SENP3: variants seen among roughly 807,000 people sequenced by gnomAD.
SENP3 encodes the protein sentrin-specific protease 3.
A neutral mutation model predicts 66.2 loss-of-function variants in SENP3; 11 were observed. That is an observed-to-expected ratio of 0.17 (90% confidence interval 0.10 to 0.28). The LOEUF (loss-of-function observed/expected upper bound fraction) is 0.28. Ranked by LOEUF, SENP3 falls within the 10% of genes least tolerant of loss-of-function variation. The pLI, the probability that SENP3 is intolerant of heterozygous loss-of-function variation, is 1.00. For synonymous variants in SENP3, 292 were observed against 277.6 expected (o/e 1.05, Z -0.52); for missense variants, 548 against 743.7 (o/e 0.74, Z 3.06).
intron 7 of SENP3, among the ~76,000 whole-genome samples, chr17:7,567,221 C>CA (rs1366348113): frequency 6.6e-6 from 1 of 152,174 alleles, no homozygotes; most frequent in Non-Finnish European, 1.5e-5. Flanking sequence ...CAGATCAACA[C>CA]AGAGTAACGT....
At chr17:7,567,051 G>A in intron 7 of SENP3, 47 bp downstream of exon 7, 1 of 1,212,324 alleles carries the variant, frequency 8.2e-7, no homozygotes, top group African/African-American at 1.5e-5. Flanking sequence ...TGCCTCTAAA[G>A]AATGAGAGTC....
chr17:7,564,152 C>G (rs2071248410), intron 2 of SENP3, among the ~76,000 whole-genome samples: 1 of 152,144 alleles, frequency 6.6e-6, no homozygotes, highest in African/African-American at 2.4e-5. Flanking sequence ...CCAGAGGGTA[C>G]CATTCCCAAA....
Position 7,561,972 on chromosome 17 carries a change from G to A in SENP3, c.-303G>A, listed in dbSNP as rs1334290528. 3 of 396,010 alleles carry A rather than the reference G, an allele frequency of 7.6e-6. No individual in the cohort carries two copies. Among genetic ancestry groups the A allele is most frequent in the East Asian group, 7.2e-5 (2 of 27,890 alleles). The allele number at this position is 396,010 out of a possible 1,614,324, so 24.5% of individuals were successfully genotyped here. On this transcript the variant is annotated 5_prime_UTR_variant, in exon 1 of 11. Transcript: ENST00000321337. The surrounding 1 kb of genome is among the most constrained non-coding windows in gnomAD (Gnocchi z 4.4). The stretch of plus-strand genomic sequence containing the variant: ...CCGGTGGGCCCGGGGCTCGCGGGAG[G>A]GGAAGGAGGAGGGGGGGAGGAGTGG...
intron 4 of SENP3, 81 bp downstream of exon 4, chr17:7,565,151 G>T: frequency 2.7e-6 from 3 of 1,109,490 alleles, no homozygotes; most frequent in Non-Finnish European, 2.7e-6. Flanking sequence ...TTCTTCCATA[G>T]GGCTGTAGTT....
At chr17:7,566,342 CAAA>C (rs753219905) in intron 6 of SENP3, among the ~76,000 whole-genome samples, 6 of 101,906 alleles carry the variant, frequency 5.9e-5, no homozygotes, top group Admixed American at 2.2e-4. Flanking sequence ...AATTCTGTCT[CAAA>C]AAAAAAAAAA....
intron 7 of SENP3, among the ~76,000 whole-genome samples, chr17:7,569,287 A>T (rs1367343550): frequency 6.6e-6 from 1 of 150,844 alleles, no homozygotes; most frequent in Non-Finnish European, 1.5e-5. Flanking sequence ...TGGGAGGCTG[A>T]GGCAGGAGAA....
In SENP3 at chr17:7,565,073, G is replaced by A. The variant is rs1361912508; in HGVS notation, c.1067+3G>A. 6.2e-7 allele frequency: 1 copy of A among 1,604,468 alleles called. No homozygotes were observed. The highest frequency in any genetic ancestry group is 1.3e-5 in the African/African-American group (1 of 74,860). ...CAGGAGTTTTCCACCCCTTCCAGGT[G>A]AGGCTTGAAAGCCCTCCTTGAAAGA... is the stretch of plus-strand genomic sequence containing the variant. On this transcript the variant is annotated splice_donor_region_variant and intron_variant, in intron 4 of 10. Transcript: ENST00000321337.
intron 4 of SENP3, 95 bp from the exon 5 acceptor site, chr17:7,565,345 G>A (rs1202004189): frequency 2.5e-5 from 36 of 1,454,082 alleles, no homozygotes; most frequent in Non-Finnish European, 9.4e-7. Flanking sequence ...AGAAAAAAGG[G>A]AGTCAGTTAG....
At chr17:7,564,536 T>C (rs1292632136) in intron 2 of SENP3, 89 bp from the exon 3 acceptor site, 2 of 1,548,062 alleles carry the variant, frequency 1.3e-6, no homozygotes, top group South Asian at 1.2e-5. Flanking sequence ...CTTGCGGTCT[T>C]ATTTGCATGC....
chr17:7,566,473 TG>T lies in SENP3; in HGVS notation c.1264-452del, dbSNP rs1451587103. On this transcript the variant is annotated intron_variant, in intron 6 of 10. Coordinates refer to ENST00000321337, the MANE Select transcript of SENP3 (RefSeq NM_015670.6). ...GAGTTCCAGACCAGCCTGGCCAACATGGTGAAACCCTGGCTCAACTAAAAAT... is the reference window on the plus strand; with the variant it reads ...GAGTTCCAGACCAGCCTGGCCAACATGTGAAACCCTGGCTCAACTAAAAAT... Among the ~76,000 whole-genome samples the T allele has an allele frequency of 4.6e-5, 7 of 151,702 alleles. No individual in the cohort carries two copies. In the East Asian group the frequency reaches 7.7e-4, roughly 17 times the overall value.
chr17:7,565,676 C>T, intron 5 of SENP3, 41 bp from the exon 6 acceptor site: 1 of 1,613,242 alleles, frequency 6.2e-7, no homozygotes, highest in Non-Finnish European at 8.5e-7. Context: ...TGTACCCATG[C>T]CGCACCCTCC....
At position 7,562,971 on chromosome 17, in the gene SENP3, G is replaced by T. The variant is rs759922903; in HGVS notation, c.-11-95G>T. ...GCGTTTTTTCCTCTTTTCTTTATTT[G>T]CATCTGAATCCAGAGGAGGCATGGC... On this transcript the variant is annotated intron_variant, in intron 1 of 10. Transcript: ENST00000321337. This position sits in a 1 kb window ranked among gnomAD's most constrained non-coding sequence, Gnocchi z 5.0. 1.5e-6 allele frequency: 2 copies of T among 1,322,248 alleles called. No homozygotes were observed. The highest frequency in any genetic ancestry group is 1.9e-6 in the Non-Finnish European group (2 of 1,036,824). The allele number at this position is 1,322,248 out of a possible 1,614,324, so 81.9% of individuals were successfully genotyped here.
chr17:7,564,437 A>C (rs1222036843), intron 2 of SENP3, 188 bp from the exon 3 acceptor site: 1 of 787,304 alleles, frequency 1.3e-6, no homozygotes, highest in Admixed American at 2.0e-5. Flanking sequence ...TCCCTGTAGA[A>C]TCTCTTGGAC....
Position 7,569,391 on chromosome 17 carries a change from A to T in SENP3, c.1342-965A>T, listed in dbSNP as rs921294271. 7.2e-5 allele frequency among the ~76,000 whole-genome samples: 11 copies of T among 151,992 alleles called. 1 individual carries two copies. The highest frequency in any genetic ancestry group is 7.2e-4 in the Admixed American group (11 of 15,254). ...CAGAGCAAGACTCCGTCTCAAAAAA[A>T]AAAAAAAGATTTGTTTTTTCCTCCG... On this transcript the variant is annotated intron_variant, in intron 7 of 10. Coordinates refer to ENST00000321337, the MANE Select transcript of SENP3 (RefSeq NM_015670.6).
Position 7,570,824 on chromosome 17 carries a change from T to G in SENP3, c.1564-59T>G, listed in dbSNP as rs139689726. 414 of 1,603,512 alleles carry G rather than the reference T, an allele frequency of 2.6e-4. No homozygotes were observed. The highest frequency in any genetic ancestry group is 2.5e-3 in the African/African-American group (190 of 74,860). On this transcript the variant is annotated intron_variant, in intron 9 of 10. Transcript: ENST00000321337. The surrounding 1 kb of genome is among the most constrained non-coding windows in gnomAD (Gnocchi z 5.4). ...TGGGGACAGTGGTAGAAGGCAGAAA[T>G]TGAAGTCCTACCCCTGGGAGTCTCC...
chr17:7,565,550 T>TG lies in SENP3; in HGVS notation c.1182dup (p.Thr395AspfsTer10). The TG allele has an allele frequency of 6.2e-7, 1 of 1,613,864 alleles. No individual in the cohort carries two copies. The highest frequency in any genetic ancestry group is 8.5e-7 in the Non-Finnish European group (1 of 1,179,864). On this transcript the variant is annotated frameshift_variant, in exon 5 of 11. Transcript: ENST00000321337. LOFTEE classifies it high-confidence loss of function. ...CGGCACGTGCTGACCATGGATGACT[T>TG]GGGGACCTTGTATGGACAGAACTGG... is the stretch of plus-strand genomic sequence containing the variant.
intron 7 of SENP3, 53 bp downstream of exon 7, chr17:7,567,057 G>A: frequency 8.4e-7 from 1 of 1,185,742 alleles, no homozygotes; most frequent in Non-Finnish European, 1.2e-6. Flanking sequence ...TAAAGAATGA[G>A]AGTCTTGTTT....
chr17:7,564,385 C>T (rs1394607903), intron 2 of SENP3: 1 of 683,108 alleles, frequency 1.5e-6, no homozygotes, highest in East Asian at 2.8e-5. Context: ...AATGCTAATC[C>T]TTTTTCTTTC....
In SENP3 at chr17:7,565,430, G is replaced by T; in HGVS notation, c.1068-10G>T. ...CATCTTTTGTGTGACTCCACCCTTG[G>T]CCTACTCAGGAAGGGCCTGGTGTTG... On this transcript the variant is annotated splice_polypyrimidine_tract_variant and intron_variant, in intron 4 of 10. Transcript: ENST00000321337. 4 of 1,613,296 alleles carry T rather than the reference G, an allele frequency of 2.5e-6. No homozygotes were observed. Among genetic ancestry groups the T allele is most frequent in the Non-Finnish European group, 3.4e-6 (4 of 1,179,632 alleles).
Sources: gnomAD v4.1 joint callset for allele counts (sites outside exome capture counted in the v4.1 genomes callset) on GRCh38, gnomAD v4.1.1 for gene constraint, Gnocchi (gnomAD v3.1) non-coding constraint, MANE v1.5 for transcripts, NCBI Gene and HGNC (gene_info 2026-07-23, HGNC 2026-07-21) for gene names.